CACNA2D4: variants seen among roughly 807,000 people sequenced by gnomAD.
CACNA2D4 encodes calcium voltage-gated channel auxiliary subunit alpha2delta 4, also known as voltage-dependent calcium channel subunit alpha-2/delta-4.
A neutral mutation model predicts 163.8 loss-of-function variants in CACNA2D4; 157 were observed. The ratio of observed to expected loss-of-function variants is 0.96; its 90% CI spans 0.84 to 1.09. The LOEUF (loss-of-function observed/expected upper bound fraction) is 1.09, where lower values mean the gene tolerates loss of function less well. Ranked by LOEUF, CACNA2D4 falls within the 50% of genes least tolerant of loss-of-function variation. CACNA2D4 has a pLI of 0.00. For missense variants in CACNA2D4, 1,410 were observed against 1,479.9 expected (o/e 0.95, Z 0.78); for synonymous variants, 598 against 586.9 (o/e 1.02, Z -0.27).
In CACNA2D4 at chr12:1,886,318, C is replaced by T. The variant is rs753108402; in HGVS notation, c.898G>A (p.Gly300Ser). Residue 300 changes from glycine to serine, a missense_variant, in exon 8 of 38, where the codon GGC (glycine) becomes AGC (serine). Transcript: ENST00000382722. ...GTCATCCTCAGCCCCTTCATACTGC[C>T]GCTCACGTCCACCAAAATCACTATG... ...KDIVILVDVS[G>S]SMKGLRMTIA... The T allele has an allele frequency of 1.7e-5, 27 of 1,613,730 alleles. No homozygotes were observed. Among genetic ancestry groups the T allele is most frequent in the Middle Eastern group, 3.3e-4 (2 of 6,080 alleles).
Position 1,875,259 on chromosome 12 carries a change from C to G in CACNA2D4, c.1798G>C (p.Ala600Pro). The G allele has an allele frequency of 6.2e-7, 1 of 1,612,156 alleles. No individual in the cohort carries two copies. Reference sequence around the variant, plus strand: ...CTATTTTCCCCACTCACAGATTCAGCCTGGTCTTCCCACTCCACTTCGGAG... The same window carrying G: ...CTATTTTCCCCACTCACAGATTCAGGCTGGTCTTCCCACTCCACTTCGGAG... ...DLSEVEWEDQ[A>P]ESLRTAMINR... The change falls in exon 17 of 38, where the codon GCT (alanine) becomes CCT (proline). Residue 600 changes from alanine (A) to proline (P), a missense_variant. Transcript: ENST00000382722. The surrounding 1 kb of genome is among the most constrained non-coding windows in gnomAD (Gnocchi z 4.0).
chr12:1,850,038 T>C (rs528743377), intron 23 of CACNA2D4, among the ~76,000 whole-genome samples: 13 of 152,228 alleles, frequency 8.5e-5, no homozygotes, highest in South Asian at 2.1e-4. Context: ...GAGCAGCTCA[T>C]AGGTACATTT....
Position 1,883,005 on chromosome 12 carries a change from G to T in CACNA2D4, c.1352-5C>A. 1 of 1,611,622 alleles carries T rather than the reference G, an allele frequency of 6.2e-7. No homozygotes were observed. The highest frequency in any genetic ancestry group is 2.2e-5 in the East Asian group (1 of 44,776). On this transcript the variant is annotated splice_polypyrimidine_tract_variant and splice_region_variant and intron_variant, in intron 12 of 37. Coordinates refer to ENST00000382722, the MANE Select transcript of CACNA2D4 (RefSeq NM_172364.5). This position sits in a 1 kb window ranked among gnomAD's most constrained non-coding sequence, Gnocchi z 4.5. The stretch of plus-strand genomic sequence containing the variant: ...TTGAGATCTGCGTGTAGTAGCCTGC[G>T]GTGGGGAAGGCCGCGTGGGTGTGGA...
Position 1,869,541 on chromosome 12 carries a change from A to G in CACNA2D4, c.1878+5063T>C, listed in dbSNP as rs938821296. On this transcript the variant is annotated intron_variant, in intron 18 of 37. Coordinates refer to ENST00000382722, the MANE Select transcript of CACNA2D4 (RefSeq NM_172364.5). The surrounding 1 kb of genome is among the most constrained non-coding windows in gnomAD (Gnocchi z 4.7). ...TGTGGGTTTCAGTTTGTTTTCACGG[A>G]TTCCTGTTTTTCCTCTTGAGTTCCA... Among the ~76,000 whole-genome samples, 5 of 152,264 alleles carry G rather than the reference A, an allele frequency of 3.3e-5. No individual in the cohort carries two copies. Among genetic ancestry groups the G allele is most frequent in the Admixed American group, 3.3e-4 (5 of 15,302 alleles).
chr12:1,825,880 C>T (rs1864296007), intron 26 of CACNA2D4, among the ~76,000 whole-genome samples: 1 of 152,236 alleles, frequency 6.6e-6, no homozygotes, highest in African/African-American at 2.4e-5. Context: ...TGATCAACAT[C>T]TCTGCCTTGG....
rs1863191484 is a variant in CACNA2D4 at position 1,798,089 on chromosome 12, C to T, written c.2996-554G>A. On this transcript the variant is annotated intron_variant, in intron 34 of 37. Transcript: ENST00000382722. The surrounding 1 kb of genome is among the most constrained non-coding windows in gnomAD (Gnocchi z 4.3). Reference sequence around the variant, plus strand: ...GCTCCAGGCCTGGGGCTGCGGAAGCCCAGAAGCCACAGCCACCCGGTGCGG... The same window carrying T: ...GCTCCAGGCCTGGGGCTGCGGAAGCTCAGAAGCCACAGCCACCCGGTGCGG... Among the ~76,000 whole-genome samples the T allele has an allele frequency of 1.3e-5, 2 of 152,160 alleles. No individual in the cohort carries two copies. The highest frequency in any genetic ancestry group is 2.9e-5 in the Non-Finnish European group (2 of 68,014).
chr12:1,800,109 C>A lies in CACNA2D4; in HGVS notation c.2922-57G>T, dbSNP rs1863262126. 11 of 1,529,858 alleles carry A rather than the reference C, an allele frequency of 7.2e-6. No homozygotes were observed. The East Asian group carries it at 1.7e-4, about 24-fold the overall frequency. 94.8% of individuals were successfully genotyped at this position (1,529,858 alleles called of 1,614,324 possible). A position where few individuals can be genotyped will look rare whatever the true frequency, so the allele number is the denominator to read the frequency against. ...TCTGAGCCCTCCCGACTTGGGTTCCCAAGGAGCTGGAGTATCCCTGACAGC... is the reference window on the plus strand; with the variant it reads ...TCTGAGCCCTCCCGACTTGGGTTCCAAAGGAGCTGGAGTATCCCTGACAGC... On this transcript the variant is annotated intron_variant, in intron 32 of 37. Coordinates refer to ENST00000382722, the MANE Select transcript of CACNA2D4 (RefSeq NM_172364.5).
At chr12:1,853,847 GGTTCTCT>G in intron 23 of CACNA2D4, 97 bp downstream of exon 23, 1 of 820,382 alleles carries the variant, frequency 1.2e-6, no homozygotes, top group South Asian at 1.5e-5. Context: ...AAAGGACGTG[GGTTCTCT>G]CCTGAGCCAC....
chr12:1,915,319 G>T, intron 1 of CACNA2D4: 1 of 698,288 alleles, frequency 1.4e-6, no homozygotes, highest in South Asian at 1.5e-5. Flanking sequence ...GCTGAGGGTT[G>T]TGGGGCCGGG....
chr12:1,890,866 C>T (rs1209831384), intron 6 of CACNA2D4, among the ~76,000 whole-genome samples: 5 of 152,302 alleles, frequency 3.3e-5, no homozygotes, highest in Non-Finnish European at 5.9e-5. Context: ...AGTTCAGGGC[C>T]ACTCAACTTC....
At chr12:1,848,550 G>A (rs1262645116) in intron 23 of CACNA2D4, among the ~76,000 whole-genome samples, 1 of 152,076 alleles carries the variant, frequency 6.6e-6, no homozygotes, top group African/African-American at 2.4e-5. Context: ...TCTGTATAAG[G>A]AAAAACTTCT....
At chr12:1,908,730 TCACGGA>T (rs1866736010) in intron 4 of CACNA2D4, among the ~76,000 whole-genome samples, 1 of 127,822 alleles carries the variant, frequency 7.8e-6, no homozygotes, top group South Asian at 2.9e-4. Flanking sequence ...CCGGACTGCG[TCACGGA>T]CATCCCCACG....
At position 1,907,661 on chromosome 12, in the gene CACNA2D4, G is replaced by A. The variant is rs1201367936; in HGVS notation, c.650-90C>T. ...GTGAGGGTGCCTGGTGGGCGTGTCT[G>A]GTGGGCGTGTCTGGTAAGCGTGCCT... is the stretch of plus-strand genomic sequence containing the variant. On this transcript the variant is annotated intron_variant, in intron 5 of 37. Transcript: ENST00000382722. 9.3e-6 allele frequency: 12 copies of A among 1,290,354 alleles called. No homozygotes were observed. The African/African-American group carries it at 1.6e-4, about 18-fold the overall frequency. 79.9% of individuals were successfully genotyped at this position (1,290,354 alleles called of 1,614,324 possible). A position where few individuals can be genotyped will look rare whatever the true frequency, so the allele number is the denominator to read the frequency against.
rs1864783430 is a variant in CACNA2D4 at position 1,834,757 on chromosome 12, G to A, written c.2551+5982C>T. ...CCACCCGGCCAGGTAGGAAGGGCGG[G>A]GAGAGCACACGGCATTGCTCAGCCA... On this transcript the variant is annotated intron_variant, in intron 26 of 37. Transcript: ENST00000382722. The surrounding 1 kb of genome is among the most constrained non-coding windows in gnomAD (Gnocchi z 7.6). The A allele has an allele frequency of 1.3e-6, 2 of 1,551,808 alleles. No individual in the cohort carries two copies. The highest frequency in any genetic ancestry group is 1.7e-6 in the Non-Finnish European group (2 of 1,151,920).
In CACNA2D4 at chr12:1,800,999, A is replaced by C. The variant is rs774240141; in HGVS notation, c.2868+44T>G. On this transcript the variant is annotated intron_variant, in intron 31 of 37. Coordinates refer to ENST00000382722, the MANE Select transcript of CACNA2D4 (RefSeq NM_172364.5). ...ACCTCATTCCAGGACAGGGCAGAGGACTGGCTGGCTGGCTGGCAGAGGGAA... is the reference window on the plus strand; with the variant it reads ...ACCTCATTCCAGGACAGGGCAGAGGCCTGGCTGGCTGGCTGGCAGAGGGAA... The C allele has an allele frequency of 3.2e-6, 5 of 1,568,960 alleles. No individual in the cohort carries two copies. The Admixed American group carries it at 8.3e-5, about 26-fold the overall frequency.
chr12:1,866,081 C>T (rs957742831), intron 18 of CACNA2D4, among the ~76,000 whole-genome samples: 19 of 152,160 alleles, frequency 1.2e-4, no homozygotes, highest in African/African-American at 4.1e-4. Flanking sequence ...TCCTCCTTGC[C>T]TTGTTCTCAA....
intron 22 of CACNA2D4, 27 bp from the exon 23 acceptor site, chr12:1,854,071 G>T: frequency 6.5e-7 from 1 of 1,546,614 alleles, no homozygotes. Flanking sequence ...AGGGAACCAG[G>T]CCACATGCTT....
intron 28 of CACNA2D4, 40 bp downstream of exon 28, chr12:1,810,503 T>C (rs1301672198): frequency 1.3e-6 from 2 of 1,547,094 alleles, no homozygotes; most frequent in East Asian, 2.4e-5. Context: ...CGGAGGGCCA[T>C]GGCTCCCTCC....
chr12:1,908,148 C>G, intron 4 of CACNA2D4, 111 bp from the exon 5 acceptor site: 1 of 1,182,578 alleles, frequency 8.5e-7, no homozygotes, highest in Non-Finnish European at 1.2e-6. Flanking sequence ...GCCGGGCGGC[C>G]ATCAGAGTCT....
Sources: allele counts gnomAD v4.1 joint callset (sites outside exome capture counted in the v4.1 genomes callset), GRCh38; gene constraint gnomAD v4.1.1; non-coding constraint Gnocchi (gnomAD v3.1); transcripts MANE v1.5; gene names NCBI Gene and HGNC (gene_info 2026-07-23, HGNC 2026-07-21).